The following RBFOX1 variants were observed in gnomAD, a reference collection of about 807,000 sequenced individuals.
RBFOX1 encodes RNA binding fox-1 homolog 1.
RBFOX1 carries 8 observed loss-of-function variants against 57.7 expected under a neutral mutation model. That is an observed-to-expected ratio of 0.14 (90% CI 0.08 to 0.25). RBFOX1 has a LOEUF of 0.25. Ranked by LOEUF, RBFOX1 falls within the 10% of genes least tolerant of loss-of-function variation. RBFOX1 has a pLI of 1.00. For missense variants in RBFOX1, 611 were observed against 548.5 expected (o/e 1.11, Z -1.14); for synonymous variants, 326 against 222.4 (o/e 1.47, Z -4.15).
chr16:5,415,068 C>T (rs889601599), intron 1 of RBFOX1, among the ~76,000 whole-genome samples: 1 of 152,140 alleles, frequency 6.6e-6, no homozygotes, highest in African/African-American at 2.4e-5. Flanking sequence ...GATGGGTGAA[C>T]TGAAGATCAG....
intron 2 of RBFOX1, among the ~76,000 whole-genome samples, chr16:6,549,930 C>G (rs1320888127): frequency 6.6e-6 from 1 of 152,134 alleles, no homozygotes; most frequent in Non-Finnish European, 1.5e-5. Flanking sequence ...CTCTGCTTAC[C>G]AGTTCACAGA....
chr16:6,655,040 TC>T (rs2098637267), intron 3 of RBFOX1, among the ~76,000 whole-genome samples: 1 of 151,586 alleles, frequency 6.6e-6, no homozygotes, highest in African/African-American at 2.4e-5. Context: ...ATATTAGGCT[TC>T]CCAGGGTGTG....
chr16:7,129,720 G>A (rs542278631), intron 4 of RBFOX1, among the ~76,000 whole-genome samples: 5 of 151,956 alleles, frequency 3.3e-5, no homozygotes, highest in South Asian at 4.2e-4. Flanking sequence ...CCCCCAAATC[G>A]GGTTGTGTGT....
At chr16:6,043,416 C>T (rs1462226416) in intron 1 of RBFOX1, among the ~76,000 whole-genome samples, 1 of 152,156 alleles carries the variant, frequency 6.6e-6, no homozygotes, top group African/African-American at 2.4e-5. Flanking sequence ...ATTTTGATTT[C>T]CTTCAGAGTC....
intron 5 of RBFOX1, among the ~76,000 whole-genome samples, chr16:7,549,034 A>G (rs961089172): frequency 6.6e-6 from 1 of 152,224 alleles, no homozygotes; most frequent in African/African-American, 2.4e-5. Flanking sequence ...TAGGAGAGAA[A>G]CAGAGAAGAG....
intron 3 of RBFOX1, among the ~76,000 whole-genome samples, chr16:5,770,232 T>A (rs1346994221): frequency 6.6e-6 from 1 of 152,174 alleles, no homozygotes; most frequent in Non-Finnish European, 1.5e-5. Context: ...ACAACCCCGC[T>A]GATAAAAATA....
chr16:6,128,741 A>G (rs1001392939), intron 1 of RBFOX1, among the ~76,000 whole-genome samples: 4 of 152,184 alleles, frequency 2.6e-5, no homozygotes, highest in Non-Finnish European at 5.9e-5. Context: ...TTCACCGGAG[A>G]TCAGAGATCA....
intron 2 of RBFOX1, among the ~76,000 whole-genome samples, chr16:6,627,647 C>G (rs934323268): frequency 6.6e-6 from 1 of 152,050 alleles, no homozygotes; most frequent in Non-Finnish European, 1.5e-5. Flanking sequence ...GTTCTTGAGA[C>G]ATGTGATAAA....
chr16:7,611,182 A>C (rs1237059255), intron 10 of RBFOX1, among the ~76,000 whole-genome samples: 2 of 152,236 alleles, frequency 1.3e-5, no homozygotes, highest in Non-Finnish European at 2.9e-5. Flanking sequence ...AGGCATGAAA[A>C]GTTCACATAT....
chr16:5,405,495 C>G (rs561937540), intron 1 of RBFOX1, among the ~76,000 whole-genome samples: 3 of 152,144 alleles, frequency 2.0e-5, no homozygotes, highest in African/African-American at 7.2e-5. Context: ...AACTGTGAGT[C>G]CATTAAACCT....
intron 4 of RBFOX1, among the ~76,000 whole-genome samples, chr16:7,094,773 T>TGG (rs1555466461): frequency 2.1e-5 from 3 of 140,918 alleles, no homozygotes; most frequent in African/African-American, 7.5e-5. Flanking sequence ...TGTGTGTGTG[T>TGG]GTGGGTGTGT....
intron 3 of RBFOX1, among the ~76,000 whole-genome samples, chr16:5,679,506 C>G (rs1441378425): frequency 3.9e-5 from 6 of 151,966 alleles, no homozygotes; most frequent in African/African-American, 1.2e-4. Context: ...CTCCCCTTGT[C>G]CCCCACCCCC....
At chr16:5,580,202 A>C (rs551230564) in intron 2 of RBFOX1, among the ~76,000 whole-genome samples, 24 of 152,324 alleles carry the variant, frequency 1.6e-4, no homozygotes, top group African/African-American at 5.3e-4. Context: ...GGGGGACCCC[A>C]ACAATGGATG....
chr16:5,900,510 G>A (rs1053273587), intron 4 of RBFOX1, among the ~76,000 whole-genome samples: 5 of 152,106 alleles, frequency 3.3e-5, no homozygotes, highest in Non-Finnish European at 7.4e-5. Flanking sequence ...TAGCCCTTTT[G>A]CCCCAGAGTA....
At chr16:6,489,233 T>C (rs1337844183) in intron 2 of RBFOX1, among the ~76,000 whole-genome samples, 1 of 152,222 alleles carries the variant, frequency 6.6e-6, no homozygotes, top group Non-Finnish European at 1.5e-5. Flanking sequence ...AGAGCAATTC[T>C]AACAACCTTC....
chr16:7,410,684 A>AAACC (rs1555872412), intron 4 of RBFOX1, among the ~76,000 whole-genome samples: 1 of 151,832 alleles, frequency 6.6e-6, no homozygotes, highest in East Asian at 2.0e-4. Flanking sequence ...TCCCAAAAAC[A>AAACC]AAACAAAACA....
chr16:6,856,559 G>C (rs531884331), intron 3 of RBFOX1, among the ~76,000 whole-genome samples: 63 of 152,244 alleles, frequency 4.1e-4, no homozygotes, highest in African/African-American at 1.4e-3. Flanking sequence ...ATCAAAGAGT[G>C]TTTCCCATCA....
chr16:7,001,545 C>T (rs879231103), intron 3 of RBFOX1, among the ~76,000 whole-genome samples: 1 of 152,106 alleles, frequency 6.6e-6, no homozygotes, highest in Admixed American at 6.6e-5. Flanking sequence ...CAACCTCCGC[C>T]TCCCGGGTTC....
chr16:6,969,470 C>T (rs1476308580), intron 3 of RBFOX1, among the ~76,000 whole-genome samples: 1 of 152,002 alleles, frequency 6.6e-6, no homozygotes, highest in Admixed American at 6.6e-5. Context: ...TGTGGTGGCT[C>T]ATGCCTGTAA....
Sources: allele counts gnomAD v4.1 joint callset (sites outside exome capture counted in the v4.1 genomes callset), GRCh38; gene constraint gnomAD v4.1.1; transcripts MANE v1.5; gene names NCBI Gene and HGNC (gene_info 2026-07-23, HGNC 2026-07-21).